Variants in RIMS2 observed in about 807,000 individuals in gnomAD.
RIMS2 encodes the protein regulating synaptic membrane exocytosis protein 2.
In RIMS2, 59 loss-of-function variants were observed where a neutral mutation model predicts 174.4. The ratio of observed to expected loss-of-function variants is 0.34; its 90% CI spans 0.27 to 0.42. The LOEUF is 0.42. Among genes scored for constraint, RIMS2 ranks in the 10% least tolerant of loss-of-function variants. RIMS2 has a pLI of 1.00. For synonymous variants in RIMS2, 606 were observed against 572.5 expected (o/e 1.06, Z -0.84); for missense variants, 1,620 against 1,666.3 (o/e 0.97, Z 0.48).
intron 19 of RIMS2, among the ~76,000 whole-genome samples, chr8:104,140,340 C>G (rs1222545398): frequency 6.6e-6 from 1 of 152,126 alleles, no homozygotes. Context: ...ATCCTTCCCT[C>G]CAGTGAAATT....
At chr8:103,909,107 C>T (rs528796474) in intron 4 of RIMS2, among the ~76,000 whole-genome samples, 134 of 152,146 alleles carry the variant, frequency 8.8e-4, no homozygotes, top group Non-Finnish European at 1.5e-3. Flanking sequence ...TGTATTCTTT[C>T]GTAGTGTCTT....
chr8:104,041,276 C>T, intron 19 of RIMS2, 50 bp from the exon 22 acceptor site: 1 of 627,266 alleles, frequency 1.6e-6, no homozygotes, highest in Non-Finnish European at 2.9e-6. Context: ...TACATCCACT[C>T]ACTCCCATCT....
chr8:104,096,256 C>T (rs1326044045), intron 19 of RIMS2, among the ~76,000 whole-genome samples: 1 of 152,044 alleles, frequency 6.6e-6, no homozygotes, highest in Non-Finnish European at 1.5e-5. Context: ...ACACATGAGC[C>T]CATTGGTGTT....
intron 1 of RIMS2, among the ~76,000 whole-genome samples, chr8:103,636,787 C>T (rs1564111085): frequency 8.3e-5 from 4 of 48,248 alleles, no homozygotes; most frequent in South Asian, 9.6e-4. Flanking sequence ...CCCACCCCCG[C>T]ACCCCCCCCC....
At chr8:104,021,068 C>T (rs1443407209) in intron 19 of RIMS2, among the ~76,000 whole-genome samples, 1 of 151,842 alleles carries the variant, frequency 6.6e-6, no homozygotes, top group Non-Finnish European at 1.5e-5. Flanking sequence ...TAAAATTTGG[C>T]CCATTACTGG....
intron 15 of RIMS2, among the ~76,000 whole-genome samples, chr8:103,970,398 T>G (rs1442655125): frequency 6.6e-6 from 1 of 152,214 alleles, no homozygotes; most frequent in Non-Finnish European, 1.5e-5. Flanking sequence ...GAAAGTCTTG[T>G]TAAGAAAAGT....
At chr8:104,211,615 A>G (rs1161020700) in intron 19 of RIMS2, among the ~76,000 whole-genome samples, 1 of 151,406 alleles carries the variant, frequency 6.6e-6, no homozygotes, top group Non-Finnish European at 1.5e-5. Flanking sequence ...CCCCGACTAG[A>G]GTGCAGTGGC....
At chr8:104,158,690 T>A (rs1385576300) in intron 19 of RIMS2, among the ~76,000 whole-genome samples, 1 of 152,232 alleles carries the variant, frequency 6.6e-6, no homozygotes, top group Non-Finnish European at 1.5e-5. Context: ...GCTGCATAAA[T>A]GTCTTCTTTT....
At chr8:103,743,437 A>G (rs1242493894) in intron 2 of RIMS2, among the ~76,000 whole-genome samples, 1 of 152,182 alleles carries the variant, frequency 6.6e-6, no homozygotes, top group East Asian at 1.9e-4. Flanking sequence ...TTCTTTAAAA[A>G]TTGATAACTC....
At chr8:104,160,476 A>T (rs958398065) in intron 19 of RIMS2, among the ~76,000 whole-genome samples, 1 of 152,186 alleles carries the variant, frequency 6.6e-6, no homozygotes, top group Non-Finnish European at 1.5e-5. Context: ...TTTCTTATTT[A>T]TCATCTCATA....
chr8:103,942,641 C>T (rs575611961), intron 13 of RIMS2, 132 bp from the exon 16 acceptor site: 20 of 589,430 alleles, frequency 3.4e-5, no homozygotes, highest in Middle Eastern at 4.3e-4. Flanking sequence ...AATTTTGCAA[C>T]GTCTAAATGA....
chr8:103,912,970 G>GTTTTTTTTTTTTTTT (rs1272975359), intron 6 of RIMS2, among the ~76,000 whole-genome samples: 2 of 114,906 alleles, frequency 1.7e-5, no homozygotes, highest in Admixed American at 9.3e-5. Context: ...TTTTTTTGTT[G>GTTTTTTTTTTTTTTT]TTTTTTTTTT....
intron 19 of RIMS2, among the ~76,000 whole-genome samples, chr8:104,085,596 G>A (rs2097523982): frequency 6.6e-6 from 1 of 152,078 alleles, no homozygotes; most frequent in Non-Finnish European, 1.5e-5. Context: ...CAAATAAATA[G>A]GTATTAAATA....
At chr8:103,897,835 C>T (rs1372084033) in intron 4 of RIMS2, among the ~76,000 whole-genome samples, 1 of 151,464 alleles carries the variant, frequency 6.6e-6, no homozygotes, top group East Asian at 1.9e-4. Flanking sequence ...CTTTTAATAC[C>T]ATATAGTTTG....
At chr8:104,228,767 C>CTTTTTATAGGGGATATTATT (rs1350015351) in intron 19 of RIMS2, among the ~76,000 whole-genome samples, 2 of 152,094 alleles carry the variant, frequency 1.3e-5, no homozygotes, top group African/African-American at 4.8e-5. Context: ...TACTATGGTT[C>CTTTTTATAGGGGATATTATT]TTTTTATAGG....
intron 3 of RIMS2, among the ~76,000 whole-genome samples, chr8:103,884,237 A>T (rs1174550258): frequency 1.3e-5 from 2 of 151,808 alleles, no homozygotes; most frequent in East Asian, 3.9e-4. Flanking sequence ...GAAACCATTG[A>T]CTAAGAAATT....
At chr8:103,790,583 T>G (rs192843784) in intron 3 of RIMS2, among the ~76,000 whole-genome samples, 1 of 152,214 alleles carries the variant, frequency 6.6e-6, no homozygotes, top group Non-Finnish European at 1.5e-5. Context: ...TGTGGACATA[T>G]GTTTTTAATT....
At chr8:103,803,387 A>G (rs2098628785) in intron 3 of RIMS2, among the ~76,000 whole-genome samples, 1 of 152,168 alleles carries the variant, frequency 6.6e-6, no homozygotes, top group Admixed American at 6.5e-5. Context: ...GGGCCTCTTT[A>G]CAATCTTTAA....
At chr8:104,056,007 T>C (rs1043283462) in intron 19 of RIMS2, among the ~76,000 whole-genome samples, 1 of 152,182 alleles carries the variant, frequency 6.6e-6, no homozygotes, top group African/African-American at 2.4e-5. Context: ...ATGAATGCAG[T>C]ACCAGGACAA....
Sources: gnomAD v4.1 joint callset for allele counts (sites outside exome capture counted in the v4.1 genomes callset) on GRCh38, gnomAD v4.1.1 for gene constraint, MANE v1.5 for transcripts, NCBI Gene and HGNC (gene_info 2026-07-23, HGNC 2026-07-21) for gene names.